Variants in MBNL3 observed in about 807,000 individuals in gnomAD.
MBNL3 encodes muscleblind like splicing regulator 3, also known as muscleblind-like protein 3.
A neutral mutation model predicts 24.5 loss-of-function variants in MBNL3; 6 were observed. The ratio of observed to expected loss-of-function variants is 0.25; its 90% confidence interval spans 0.13 to 0.48. MBNL3 has a LOEUF of 0.48. Among genes scored for constraint, MBNL3 ranks in the 20% least tolerant of loss-of-function variants. The pLI, the probability that MBNL3 is intolerant of heterozygous loss-of-function variation, is 0.99. For synonymous variants in MBNL3, 100 were observed against 101.7 expected (o/e 0.98, Z 0.10); for missense variants, 230 against 293.5 (o/e 0.78, Z 1.58).
intron 2 of MBNL3, among the ~76,000 whole-genome samples, chrX:132,406,906 G>A (rs1428886829): frequency 9.0e-6 from 1 of 111,637 alleles, no homozygotes; most frequent in Non-Finnish European, 1.9e-5. Context: ...TGGATTACTA[G>A]GTCCACCATA....
chrX:132,435,611 A>G (rs1217889312), intron 2 of MBNL3, among the ~76,000 whole-genome samples: 1 of 112,052 alleles, frequency 8.9e-6, no homozygotes, highest in Non-Finnish European at 1.9e-5. Flanking sequence ...ATTCATATCG[A>G]TATGCTTATA....
chrX:132,435,067 G>C (rs771684584), intron 2 of MBNL3, among the ~76,000 whole-genome samples: 4 of 111,394 alleles, frequency 3.6e-5, no homozygotes, highest in African/African-American at 1.3e-4. Flanking sequence ...ATGTTTAAAA[G>C]GCGAGGCTGA....
intron 1 of MBNL3, among the ~76,000 whole-genome samples, chrX:132,468,584 G>C (rs144283084): frequency 8.9e-6 from 1 of 112,386 alleles, no homozygotes; most frequent in Admixed American, 9.4e-5. Context: ...TAGCACACTC[G>C]TATATATTAA....
chrX:132,417,707 ATCTAC>A (rs1943426854), intron 2 of MBNL3, among the ~76,000 whole-genome samples: 1 of 111,522 alleles, frequency 9.0e-6, no homozygotes, highest in South Asian at 3.8e-4. Context: ...AATAAAATAA[ATCTAC>A]TCTAGCTCCA....
intron 1 of MBNL3, among the ~76,000 whole-genome samples, chrX:132,459,968 T>C (rs1408497381): frequency 9.0e-6 from 1 of 111,343 alleles, no homozygotes; most frequent in Non-Finnish European, 1.9e-5. Context: ...GTGTTTTAGG[T>C]TTGACTTCAG....
intron 2 of MBNL3, chrX:132,411,275 C>G: frequency 1.3e-6 from 1 of 754,089 alleles, no homozygotes; most frequent in Non-Finnish European, 1.6e-6. Flanking sequence ...AACCAGATAA[C>G]AAGTTTGAAT....
chrX:132,391,290 T>A, intron 4 of MBNL3, among the ~76,000 whole-genome samples: 1 of 111,820 alleles, frequency 8.9e-6, no homozygotes, highest in South Asian at 3.7e-4. Flanking sequence ...CAGAAAAAAA[T>A]TCTATTCTCC....
intron 1 of MBNL3, among the ~76,000 whole-genome samples, chrX:132,460,296 T>A (rs1946565892): frequency 8.9e-6 from 1 of 112,116 alleles, no homozygotes; most frequent in South Asian, 3.7e-4. Context: ...AGGTTCTTAC[T>A]TAAGAGAACA....
chrX:132,416,337 G>A (rs977127566), intron 2 of MBNL3, among the ~76,000 whole-genome samples: 2 of 108,966 alleles, frequency 1.8e-5, no homozygotes, highest in Non-Finnish European at 3.8e-5. Context: ...ACTAATATGC[G>A]AGAGCTAAAA....
Position 132,480,532 on chromosome X carries a change from T to A in MBNL3, c.-704+8319A>T, listed in dbSNP as rs762523239. Among the ~76,000 whole-genome samples the A allele has an allele frequency of 1.5e-4, 17 of 111,239 alleles. No individual in the cohort carries two copies. The East Asian group carries it at 4.2e-3, about 28-fold the overall frequency. On this transcript the variant is annotated intron_variant, in intron 1 of 8. Transcript: ENST00000370853. ...TCGACCTATAGGAAATGCCCTCCCATCAAAGGCCCGATTTGGCAACCTATG... is the reference window on the plus strand; with the variant it reads ...TCGACCTATAGGAAATGCCCTCCCAACAAAGGCCCGATTTGGCAACCTATG...
rs752774349 is a variant in MBNL3, at chrX:132,392,513, A to G, written c.343-179T>C. 6.2e-5 allele frequency among the ~76,000 whole-genome samples: 7 copies of G among 112,466 alleles called. 1 individual carries two copies. The South Asian group carries it at 2.6e-3, about 41-fold the overall frequency. On this transcript the variant is annotated intron_variant, in intron 3 of 8. Transcript: ENST00000370853. Reference sequence around the variant, plus strand: ...CCCATAGAGGAGTTGCTTTTAAACCAACAAATCTCTTTACGTACTAACTTT... The same window carrying G: ...CCCATAGAGGAGTTGCTTTTAAACCGACAAATCTCTTTACGTACTAACTTT...
At chrX:132,402,410 TA>T (rs754385483) in intron 3 of MBNL3, among the ~76,000 whole-genome samples, 46 of 112,206 alleles carry the variant, frequency 4.1e-4, no homozygotes, top group African/African-American at 1.4e-3. Flanking sequence ...TCCTCATAAC[TA>T]AAATTTCTAA....
At chrX:132,434,067 A>G (rs986081381) in intron 2 of MBNL3, among the ~76,000 whole-genome samples, 18 of 111,788 alleles carry the variant, frequency 1.6e-4, no homozygotes, top group African/African-American at 5.9e-4. Flanking sequence ...ATTATTTTTT[A>G]CCTGCTCCTC....
intron 1 of MBNL3, among the ~76,000 whole-genome samples, chrX:132,466,258 C>A (rs1031019364): frequency 8.9e-6 from 1 of 112,219 alleles, no homozygotes; most frequent in Non-Finnish European, 1.9e-5. Context: ...AAAGAAACTT[C>A]AGTAATGCCT....
chrX:132,405,807 G>A (rs1356204276), intron 3 of MBNL3, among the ~76,000 whole-genome samples: 1 of 100,404 alleles, frequency 1.0e-5, no homozygotes, highest in Non-Finnish European at 2.0e-5. Flanking sequence ...AACTCGGGAG[G>A]CAGAAGTTGC....
chrX:132,454,647 G>A (rs762139818), intron 1 of MBNL3, among the ~76,000 whole-genome samples: 4 of 111,918 alleles, frequency 3.6e-5, no homozygotes, highest in Non-Finnish European at 7.5e-5. Context: ...GAGTTTTCTG[G>A]GAAAGTGAAT....
intron 1 of MBNL3, among the ~76,000 whole-genome samples, chrX:132,464,580 T>A (rs1946795115): frequency 8.9e-6 from 1 of 112,301 alleles, no homozygotes; most frequent in Admixed American, 9.4e-5. Flanking sequence ...TAATTCCATA[T>A]GCCATTTCTT....
intron 1 of MBNL3, among the ~76,000 whole-genome samples, chrX:132,455,637 T>C (rs963449871): frequency 1.8e-5 from 2 of 111,883 alleles, no homozygotes; most frequent in Admixed American, 9.5e-5. Context: ...ATCTGATATC[T>C]TGGCAATCTG....
chrX:132,400,942 G>T (rs1199867394), intron 3 of MBNL3, among the ~76,000 whole-genome samples: 1 of 111,464 alleles, frequency 9.0e-6, no homozygotes, highest in Non-Finnish European at 1.9e-5. Context: ...TGAAAATTTT[G>T]CAAAAATCAT....
Sources: allele counts gnomAD v4.1 joint callset (sites outside exome capture counted in the v4.1 genomes callset), GRCh38; gene constraint gnomAD v4.1.1; transcripts MANE v1.5; gene names NCBI Gene and HGNC (gene_info 2026-07-23, HGNC 2026-07-21).